The following RNF152 variants were observed in gnomAD, a reference collection of about 807,000 sequenced individuals.
The protein encoded by RNF152 is ring finger protein 152, also known as E3 ubiquitin-protein ligase RNF152.
In RNF152, 11 loss-of-function variants were observed where a neutral mutation model predicts 12.7. The observed-to-expected ratio is 0.86, with a 90% confidence interval of 0.54 to 1.43. RNF152 has a LOEUF of 1.43. Among genes scored for constraint, RNF152 ranks in the 40% most tolerant of loss-of-function variants. The probability of loss-of-function intolerance (pLI) is 0.00; values close to 1 mark genes in which losing one functional copy is unlikely to be tolerated. For synonymous variants in RNF152, 113 were observed against 120.3 expected, an observed-to-expected ratio of 0.94 and a Z score of 0.40; for missense variants, 255 against 274.8, an observed-to-expected ratio of 0.93 and a Z score of 0.51.
chr18:61,870,055 C>T (rs555528371), intron 1 of RNF152, among the ~76,000 whole-genome samples: 2 of 152,244 alleles, frequency 1.3e-5, no homozygotes, highest in South Asian at 2.1e-4. Flanking sequence ...ACTTGTTATA[C>T]CATAAAAAAG....
intron 1 of RNF152, among the ~76,000 whole-genome samples, chr18:61,830,554 T>C (rs1909892343): frequency 6.6e-6 from 1 of 152,222 alleles, no homozygotes; most frequent in Admixed American, 6.5e-5. Context: ...TCCACCCACA[T>C]TGTAACACGT....
chr18:61,841,664 A>C (rs1008585852), intron 1 of RNF152, among the ~76,000 whole-genome samples: 5 of 152,196 alleles, frequency 3.3e-5, no homozygotes, highest in African/African-American at 1.2e-4. Context: ...AGAAAAATAC[A>C]CATTTGTACA....
Position 61,813,354 on chromosome 18 carries a change from A to G in RNF152, c.*2498T>C, listed in dbSNP as rs182092226. On this transcript the variant is annotated 3_prime_UTR_variant, in exon 2 of 2. Transcript: ENST00000312828. ...CACACCCCAACAAACAGGTACACAA[A>G]TAACTGCAAGCAGATCCATTTAAAC... 35 of 152,192 alleles carry G rather than the reference A, an allele frequency of 2.3e-4. 1 individual carries two copies. The East Asian group carries it at 6.8e-3, about 29-fold the overall frequency. 9.4% of individuals were successfully genotyped at this position (152,192 alleles called of 1,614,324 possible).
Position 61,811,676 on chromosome 18 carries a change from C to G in RNF152, c.*4176G>C, listed in dbSNP as rs562748888. 2.0e-5 allele frequency: 3 copies of G among 152,290 alleles called. No individual in the cohort carries two copies. The South Asian group carries it at 6.2e-4, about 32-fold the overall frequency. The allele number at this position is 152,290 out of a possible 1,614,324, so 9.4% of individuals were successfully genotyped here. ...AAACATGCTTGCTCTTATATTTGCA[C>G]CTTACTAATACAGCAATGAAGTTTG... On this transcript the variant is annotated 3_prime_UTR_variant, in exon 2 of 2. Coordinates refer to ENST00000312828, the MANE Select transcript of RNF152 (RefSeq NM_173557.3).
intron 1 of RNF152, among the ~76,000 whole-genome samples, chr18:61,835,111 G>T (rs758600237): frequency 1.3e-5 from 2 of 152,150 alleles, no homozygotes; most frequent in Non-Finnish European, 2.9e-5. Flanking sequence ...AGGAAATGTG[G>T]CATTATCTAA....
chr18:61,841,630 C>G (rs767311997), intron 1 of RNF152, among the ~76,000 whole-genome samples: 4 of 152,172 alleles, frequency 2.6e-5, no homozygotes, highest in Non-Finnish European at 5.9e-5. Flanking sequence ...ACAAACCCCT[C>G]TACCTCTGAG....
rs779596469 is a variant in RNF152 at position 61,828,233 on chromosome 18, G to GT, written c.-135-11636dup. On this transcript the variant is annotated intron_variant, in intron 1 of 1. Coordinates refer to ENST00000312828, the MANE Select transcript of RNF152 (RefSeq NM_173557.3). ...TGCTTTTCAGAGAATTTGAGTTTGC[G>GT]TTTTTTCTTCCTTCCTTTCTTTTTT... 4.4e-4 allele frequency among the ~76,000 whole-genome samples: 62 copies of GT among 141,126 alleles called. 1 individual carries two copies. Among genetic ancestry groups the GT allele is most frequent in the Non-Finnish European group, 7.0e-4 (43 of 61,022 alleles). 92.6% of individuals were successfully genotyped at this position (141,126 alleles called of 152,430 possible).
chr18:61,855,675 C>A (rs1911193712), intron 1 of RNF152, among the ~76,000 whole-genome samples: 3 of 152,230 alleles, frequency 2.0e-5, no homozygotes, highest in Admixed American at 2.0e-4. Context: ...AGTGGCTGGA[C>A]CCCACACTCG....
intron 1 of RNF152, among the ~76,000 whole-genome samples, chr18:61,823,274 C>A (rs945709823): frequency 6.6e-6 from 1 of 152,148 alleles, no homozygotes. Context: ...AGCAAAGAAT[C>A]CAGAAAGTGA....
At chr18:61,838,774 G>A (rs1365175613) in intron 1 of RNF152, among the ~76,000 whole-genome samples, 1 of 152,072 alleles carries the variant, frequency 6.6e-6, no homozygotes, top group Non-Finnish European at 1.5e-5. Flanking sequence ...TCACCTCCAC[G>A]TTCAGATCTA....
At chr18:61,892,606 C>T (rs912582085) in intron 1 of RNF152, among the ~76,000 whole-genome samples, 189 bp downstream of exon 1, 50 of 152,188 alleles carry the variant, frequency 3.3e-4, no homozygotes, top group African/African-American at 1.2e-3. Flanking sequence ...CCTCCAATGG[C>T]TTCTTCAAAG....
intron 1 of RNF152, among the ~76,000 whole-genome samples, chr18:61,868,214 G>A (rs1456469101): frequency 6.6e-6 from 1 of 152,170 alleles, no homozygotes; most frequent in African/African-American, 2.4e-5. Context: ...GCATATATCT[G>A]TGTTATGTTT....
chr18:61,844,455 C>G (rs1442575743), intron 1 of RNF152, among the ~76,000 whole-genome samples: 1 of 152,184 alleles, frequency 6.6e-6, no homozygotes, highest in African/African-American at 2.4e-5. Context: ...TATGCTTCAC[C>G]TTGGCAAAAG....
chr18:61,858,664 T>C (rs1911331794), intron 1 of RNF152, among the ~76,000 whole-genome samples: 1 of 152,158 alleles, frequency 6.6e-6, no homozygotes, highest in African/African-American at 2.4e-5. Flanking sequence ...GCCTTGTTCT[T>C]ACTGAAATCC....
At chr18:61,881,896 G>A (rs747972738) in intron 1 of RNF152, among the ~76,000 whole-genome samples, 1 of 152,198 alleles carries the variant, frequency 6.6e-6, no homozygotes, top group African/African-American at 2.4e-5. Flanking sequence ...TTATAGGACA[G>A]TGTGGACTGC....
intron 1 of RNF152, among the ~76,000 whole-genome samples, chr18:61,886,225 T>C (rs1912691674): frequency 1.3e-5 from 2 of 152,328 alleles, no homozygotes; most frequent in Admixed American, 6.5e-5. Flanking sequence ...CTTAACTTCC[T>C]TTAAGACTTC....
intron 1 of RNF152, among the ~76,000 whole-genome samples, chr18:61,827,505 T>C (rs930051813): frequency 2.0e-5 from 3 of 152,194 alleles, no homozygotes; most frequent in South Asian, 2.1e-4. Context: ...TTAAAAAATA[T>C]ATATTTCTTT....
Position 61,823,355 on chromosome 18 carries a change from G to A in RNF152, c.-135-6757C>T, listed in dbSNP as rs925506800. Among the ~76,000 whole-genome samples the A allele has an allele frequency of 5.9e-5, 9 of 152,318 alleles. No homozygotes were observed. The South Asian group carries it at 1.5e-3, about 25-fold the overall frequency. ...CACTCACCCAGGCTGGAATGCAGTG[G>A]TGCAATCTTGGCTCACCGCAACCTC... On this transcript the variant is annotated intron_variant, in intron 1 of 1. Coordinates refer to ENST00000312828, the MANE Select transcript of RNF152 (RefSeq NM_173557.3).
rs1912911763 is a variant in RNF152, at chr18:61,810,336, C to G, written c.*5516G>C. On this transcript the variant is annotated 3_prime_UTR_variant, in exon 2 of 2. Transcript: ENST00000312828. The stretch of plus-strand genomic sequence containing the variant: ...CAGAAAAATCAATGGCTTGAATTTC[C>G]ACTTATCTTTTAGAAGTGTTTCATG... The G allele has an allele frequency of 2.0e-5, 3 of 151,930 alleles. No individual in the cohort carries two copies. Among genetic ancestry groups the G allele is most frequent in the Admixed American group, 2.0e-4 (3 of 15,238 alleles). 9.4% of individuals were successfully genotyped at this position (151,930 alleles called of 1,614,324 possible).
Sources: gnomAD v4.1 joint callset for allele counts (sites outside exome capture counted in the v4.1 genomes callset) on GRCh38, gnomAD v4.1.1 for gene constraint, MANE v1.5 for transcripts, NCBI Gene and HGNC (gene_info 2026-07-23, HGNC 2026-07-21) for gene names.